Variants in ANXA3 observed in about 807,000 individuals in gnomAD.
ANXA3 encodes the protein annexin A3.
A neutral mutation model predicts 48.8 loss-of-function variants in ANXA3; 46 were observed. The observed-to-expected ratio is 0.94, with a 90% CI of 0.74 to 1.21. The LOEUF (loss-of-function observed/expected upper bound fraction) is 1.21. ANXA3 is among the 50% of genes most tolerant of loss of function. ANXA3 has a pLI of 0.00. For missense variants in ANXA3, 383 were observed against 378.6 expected (o/e 1.01, Z -0.10); for synonymous variants, 128 against 134.7 (o/e 0.95, Z 0.35).
chr4:78,609,779 G>A (rs1013238165), intron 12 of ANXA3, among the ~76,000 whole-genome samples: 5 of 152,170 alleles, frequency 3.3e-5, no homozygotes, highest in Admixed American at 1.3e-4. Context: ...TCAATATTAT[G>A]TAAGTGATGC....
chr4:78,609,220 T>A (rs1723708946), intron 12 of ANXA3, among the ~76,000 whole-genome samples: 1 of 152,166 alleles, frequency 6.6e-6, no homozygotes. Context: ...TCTCTAATAT[T>A]CACCCCAGTA....
intron 12 of ANXA3, among the ~76,000 whole-genome samples, chr4:78,609,838 GA>G (rs1237966504): frequency 6.6e-6 from 1 of 152,096 alleles, no homozygotes; most frequent in African/African-American, 2.4e-5. Context: ...AGTATATCAG[GA>G]AGAATCTAAA....
chr4:78,568,157 T>G (rs566219045), intron 2 of ANXA3, among the ~76,000 whole-genome samples: 2 of 152,364 alleles, frequency 1.3e-5, no homozygotes, highest in Non-Finnish European at 2.9e-5. Context: ...AGGTATTTTT[T>G]TGGGGAGACA....
Position 78,582,282 on chromosome 4 carries a change from T to A in ANXA3, c.304T>A (p.Ser102Thr), listed in dbSNP as rs1723088649. Residue 102 changes from serine (S) to threonine (T), a missense_variant, in exon 5 of 13, where the codon TCC becomes ACC. Transcript: ENST00000264908. ...AVFDAKQLKK[S>T]MKGAGTNEDA... The stretch of plus-strand genomic sequence containing the variant: ...CTTTGATGCAAAGCAGCTAAAGAAA[T>A]CCATGAAGGTATGAGCCCCCCACAA... 1 of 1,609,436 alleles carries A rather than the reference T, an allele frequency of 6.2e-7. No individual in the cohort carries two copies. The highest frequency in any genetic ancestry group is 1.1e-5 in the South Asian group (1 of 90,898).
At chr4:78,561,067 A>G in intron 2 of ANXA3, among the ~76,000 whole-genome samples, 1 of 152,362 alleles carries the variant, frequency 6.6e-6, no homozygotes, top group East Asian at 1.9e-4. Context: ...ATGTTTGGTA[A>G]TAAATATAGA....
At chr4:78,578,280 C>T (rs1012403290) in intron 3 of ANXA3, among the ~76,000 whole-genome samples, 1 of 92,394 alleles carries the variant, frequency 1.1e-5, no homozygotes, top group African/African-American at 3.8e-5. Context: ...AGAGAAAGGG[C>T]GAAGGGGAGA....
intron 3 of ANXA3, among the ~76,000 whole-genome samples, chr4:78,574,653 CATT>C (rs1423787415): frequency 6.6e-6 from 1 of 152,128 alleles, no homozygotes; most frequent in Middle Eastern, 3.2e-3. Flanking sequence ...TGTCTCTTAA[CATT>C]ATGTTTTTGA....
chr4:78,597,554 A>G (rs1451671134), intron 10 of ANXA3, 140 bp downstream of exon 10: 2 of 574,874 alleles, frequency 3.5e-6, no homozygotes, highest in East Asian at 6.3e-5. Flanking sequence ...CAGGATACAC[A>G]CAGTACGCTC....
intron 9 of ANXA3, 139 bp from the exon 10 acceptor site, chr4:78,597,180 T>C (rs1393012705): frequency 4.9e-6 from 3 of 609,520 alleles, no homozygotes; most frequent in Non-Finnish European, 8.6e-6. Context: ...CAAAAACTTC[T>C]GTGCCCAGAT....
At chr4:78,598,737 A>T (rs1252753557) in intron 10 of ANXA3, among the ~76,000 whole-genome samples, 1 of 151,882 alleles carries the variant, frequency 6.6e-6, no homozygotes, top group Non-Finnish European at 1.5e-5. Flanking sequence ...ACAGGGTTTC[A>T]CCATGTTGGC....
chr4:78,599,586 A>ACAT (rs892321833), intron 10 of ANXA3, among the ~76,000 whole-genome samples: 8 of 152,120 alleles, frequency 5.3e-5, no homozygotes, highest in African/African-American at 1.9e-4. Flanking sequence ...TGGCTCATGC[A>ACAT]CATAATCCCA....
At chr4:78,554,089 C>T (rs536220827) in intron 1 of ANXA3, 8 of 179,026 alleles carry the variant, frequency 4.5e-5, no homozygotes, top group East Asian at 2.8e-4. Context: ...TATTGATCCC[C>T]GTAGTGGTAG....
intron 8 of ANXA3, 79 bp downstream of exon 8, chr4:78,595,516 A>G (rs1723402535): frequency 7.0e-7 from 1 of 1,427,168 alleles, no homozygotes; most frequent in Admixed American, 2.0e-5. Context: ...AAAAGGGAGA[A>G]AAATAGCAGC....
Position 78,586,194 on chromosome 4 carries a change from A to G in ANXA3, c.313-66A>G, listed in dbSNP as rs373898803. On this transcript the variant is annotated intron_variant, in intron 5 of 12. Transcript: ENST00000264908. ...TTTCATCTATATAAACAAGATAATA[A>G]GACCAAAAGGCATGAGATTAAGTTA... The G allele has an allele frequency of 2.6e-5, 33 of 1,272,848 alleles. No homozygotes were observed. The African/African-American group carries it at 4.8e-4, about 18-fold the overall frequency. 78.8% of individuals were successfully genotyped at this position (1,272,848 alleles called of 1,614,324 possible).
At chr4:78,581,920 A>C (rs563494982) in intron 4 of ANXA3, among the ~76,000 whole-genome samples, 20 of 152,346 alleles carry the variant, frequency 1.3e-4, no homozygotes, top group South Asian at 2.1e-4. Flanking sequence ...GCATTTGAAT[A>C]CAGTTCCTAA....
chr4:78,560,309 G>A (rs1722601883), intron 2 of ANXA3, among the ~76,000 whole-genome samples: 1 of 152,154 alleles, frequency 6.6e-6, no homozygotes, highest in Admixed American at 6.5e-5. Context: ...GGAATCACCT[G>A]CACTTCTGGC....
chr4:78,552,845 T>C (rs1722427792), intron 1 of ANXA3, among the ~76,000 whole-genome samples: 1 of 152,222 alleles, frequency 6.6e-6, no homozygotes, highest in Non-Finnish European at 1.5e-5. Flanking sequence ...AGAAAGGGAA[T>C]TTTTAAATGT....
At chr4:78,574,415 A>G (rs1722906377) in intron 3 of ANXA3, among the ~76,000 whole-genome samples, 1 of 152,138 alleles carries the variant, frequency 6.6e-6, no homozygotes, top group African/African-American at 2.4e-5. Flanking sequence ...GTGAGAGTCT[A>G]TTTCAAAAAC....
At chr4:78,580,437 G>A (rs978977957) in intron 4 of ANXA3, among the ~76,000 whole-genome samples, 9 of 152,230 alleles carry the variant, frequency 5.9e-5, no homozygotes, top group African/African-American at 2.2e-4. Context: ...GAGACAGGTT[G>A]AGAACATGCT....
Sources: gnomAD v4.1 joint callset for allele counts (sites outside exome capture counted in the v4.1 genomes callset) on GRCh38, gnomAD v4.1.1 for gene constraint, MANE v1.5 for transcripts, NCBI Gene and HGNC (gene_info 2026-07-23, HGNC 2026-07-21) for gene names.